Variants in GASK1A observed in about 807,000 individuals in gnomAD.
The protein encoded by GASK1A is Golgi-associated kinase 1A.
GASK1A carries 40 observed loss-of-function variants against 41.2 expected under a neutral mutation model. The observed-to-expected ratio is 0.97, with a 90% CI of 0.75 to 1.27. The LOEUF (loss-of-function observed/expected upper bound fraction) is 1.27. Ranked by LOEUF, GASK1A falls within the 50% of genes most tolerant of loss-of-function variation. The probability of loss-of-function intolerance (pLI) is 0.00; values close to 1 mark genes in which losing one functional copy is unlikely to be tolerated. For synonymous variants in GASK1A, 316 were observed against 307.1 expected (o/e 1.03, Z -0.30); for missense variants, 678 against 745.1 (o/e 0.91, Z 1.05).
chr3:42,983,764 CA>C (rs1393114956), intron 1 of GASK1A, among the ~76,000 whole-genome samples: 1 of 152,222 alleles, frequency 6.6e-6, no homozygotes, highest in African/African-American at 2.4e-5. Flanking sequence ...CCCTTACTTG[CA>C]GCTCCTGCTG....
chr3:42,995,113 G>A (rs2089362718), intron 1 of GASK1A, among the ~76,000 whole-genome samples: 1 of 152,202 alleles, frequency 6.6e-6, no homozygotes, highest in Non-Finnish European at 1.5e-5. Flanking sequence ...AAGTGCAGAT[G>A]GAGGCCAGGC....
intron 4 of GASK1A, 135 bp from the exon 5 acceptor site, chr3:43,056,041 G>A (rs1235217352): frequency 5.9e-6 from 4 of 680,716 alleles, no homozygotes; most frequent in African/African-American, 5.4e-5. Context: ...CAGGTCTGGG[G>A]AGTTTGCCAG....
At chr3:43,051,200 G>A (rs994005538) in intron 2 of GASK1A, among the ~76,000 whole-genome samples, 2 of 151,948 alleles carry the variant, frequency 1.3e-5, no homozygotes, top group Non-Finnish European at 2.9e-5. Flanking sequence ...TGTTTGTAGT[G>A]GTTTTCTTTA....
Position 43,033,524 on chromosome 3 carries a change from C to T in GASK1A, c.1261C>T (p.Arg421Cys), listed in dbSNP as rs781593067. The change falls in exon 2 of 5, where the codon CGC becomes TGC. Residue 421 changes from arginine to cysteine, a missense_variant. By Grantham distance (180) the Arg-to-Cys change is radical. Coordinates refer to ENST00000430121, the MANE Select transcript of GASK1A (RefSeq NM_001129908.3). ...GGGCATCCACCATACCGAGTGGGCA[C>T]GCCTGGCGCTCTTCGACTTCCTGTT... ...CPGIHHTEWA[R>C]LALFDFLLQV... The T allele has an allele frequency of 3.1e-5, 47 of 1,539,784 alleles. No individual in the cohort carries two copies. The highest frequency in any genetic ancestry group is 3.4e-4 in the Middle Eastern group (2 of 5,840).
intron 2 of GASK1A, among the ~76,000 whole-genome samples, chr3:43,049,353 A>T (rs951755091): frequency 1.3e-5 from 2 of 152,256 alleles, no homozygotes; most frequent in East Asian, 1.9e-4. Flanking sequence ...GTAGAATCTT[A>T]GTAATGGGTA....
At chr3:42,979,800 T>C (rs558590202) in intron 1 of GASK1A, among the ~76,000 whole-genome samples, 155 bp downstream of exon 1, 2 of 152,236 alleles carry the variant, frequency 1.3e-5, no homozygotes, top group South Asian at 2.1e-4. Context: ...CGGCGGCGGC[T>C]TTCATTTCTG....
chr3:43,029,676 A>T (rs1011194366), intron 1 of GASK1A, among the ~76,000 whole-genome samples: 1 of 152,176 alleles, frequency 6.6e-6, no homozygotes, highest in Non-Finnish European at 1.5e-5. Flanking sequence ...TAAGAGGGAG[A>T]TGCTGGCCTC....
intron 1 of GASK1A, among the ~76,000 whole-genome samples, chr3:43,020,985 A>G (rs948128952): frequency 6.6e-6 from 1 of 152,190 alleles, no homozygotes; most frequent in Non-Finnish European, 1.5e-5. Flanking sequence ...TAAACAAATA[A>G]TGCTATTAAG....
Position 43,056,987 on chromosome 3 carries a change from G to A in GASK1A, c.*601G>A, listed in dbSNP as rs1007456372. On this transcript the variant is annotated 3_prime_UTR_variant, in exon 5 of 5. Transcript: ENST00000430121. The stretch of plus-strand genomic sequence containing the variant: ...AAAAAATAGAAGCATATGACAAAAA[G>A]CATAAGTCCCACAAACTCCCTAGCG... 7.9e-5 allele frequency: 12 copies of A among 152,116 alleles called. No individual in the cohort carries two copies. Among genetic ancestry groups the A allele is most frequent in the African/African-American group, 2.7e-4 (11 of 41,404 alleles). 9.4% of individuals were successfully genotyped at this position (152,116 alleles called of 1,614,324 possible).
chr3:43,006,472 A>T (rs887745529), intron 1 of GASK1A, among the ~76,000 whole-genome samples: 5 of 152,212 alleles, frequency 3.3e-5, no homozygotes, highest in Non-Finnish European at 7.3e-5. Context: ...TTGAGTATAG[A>T]ATTAAAAGAA....
chr3:43,024,102 G>A (rs545613992), intron 1 of GASK1A, among the ~76,000 whole-genome samples: 2 of 152,074 alleles, frequency 1.3e-5, no homozygotes, highest in Non-Finnish European at 2.9e-5. Context: ...TGTGGACTTA[G>A]GGAAGGACTG....
intron 2 of GASK1A, among the ~76,000 whole-genome samples, chr3:43,034,837 C>G (rs1190760211): frequency 6.6e-6 from 1 of 152,204 alleles, no homozygotes; most frequent in Non-Finnish European, 1.5e-5. Context: ...TCTGCTGCCC[C>G]CTTTGGAGGT....
At chr3:43,031,608 G>C (rs1332631097) in intron 1 of GASK1A, among the ~76,000 whole-genome samples, 1 of 152,224 alleles carries the variant, frequency 6.6e-6, no homozygotes. Flanking sequence ...TGCCCCTAGG[G>C]TGTGTCCTTG....
intron 1 of GASK1A, among the ~76,000 whole-genome samples, chr3:42,999,714 C>T (rs1362488254): frequency 6.6e-6 from 1 of 152,224 alleles, no homozygotes; most frequent in Non-Finnish European, 1.5e-5. Context: ...CTCAAAACAA[C>T]ACAAATTTGT....
At position 43,030,965 on chromosome 3, in the gene GASK1A, C is replaced by T. The variant is rs559416416; in HGVS notation, c.4-1302C>T. On this transcript the variant is annotated intron_variant, in intron 1 of 4. Coordinates refer to ENST00000430121, the MANE Select transcript of GASK1A (RefSeq NM_001129908.3). ...AGCTTCTCAGAAGAGCAAGCACATG[C>T]GGGGAAAAAAGTGGGATCTGGTTTG... Among the ~76,000 whole-genome samples the T allele has an allele frequency of 3.4e-4, 52 of 152,154 alleles. No homozygotes were observed. In the South Asian group the frequency reaches 5.2e-3, roughly 15 times the overall value.
rs199919236 is a variant in GASK1A at position 42,981,147 on chromosome 3, CCTGGCT to C, written c.3+1507_3+1512del. ...CATTGCAGCTTCCCGGTTTCACGTCCCTGGCTCTGGGTTCTGGTATTGTGTTAGGAA... is the reference window on the plus strand; with the variant it reads ...CATTGCAGCTTCCCGGTTTCACGTCCCTGGGTTCTGGTATTGTGTTAGGAA... On this transcript the variant is annotated intron_variant, in intron 1 of 4. Coordinates refer to ENST00000430121, the MANE Select transcript of GASK1A (RefSeq NM_001129908.3). 4.1e-3 allele frequency among the ~76,000 whole-genome samples: 624 copies of C among 152,300 alleles called. 3 individuals are homozygous for C. The highest frequency in any genetic ancestry group is 0.017 in the Middle Eastern group (5 of 294).
At chr3:43,044,504 A>G (rs747572977) in intron 2 of GASK1A, among the ~76,000 whole-genome samples, 1 of 152,140 alleles carries the variant, frequency 6.6e-6, no homozygotes, top group Non-Finnish European at 1.5e-5. Flanking sequence ...TGTGGTCCTC[A>G]ACATGGCCCC....
chr3:43,006,618 C>T (rs1361639466), intron 1 of GASK1A, among the ~76,000 whole-genome samples: 1 of 152,172 alleles, frequency 6.6e-6, no homozygotes, highest in East Asian at 1.9e-4. Flanking sequence ...CCCTTTCTCT[C>T]TGGAAACTTG....
intron 4 of GASK1A, chr3:43,055,753 C>T: frequency 1.8e-6 from 1 of 544,296 alleles, no homozygotes; most frequent in Non-Finnish European, 3.3e-6. Context: ...CTCGTGCCTG[C>T]AGAATACTAG....
Sources: gnomAD v4.1 joint callset for allele counts (sites outside exome capture counted in the v4.1 genomes callset) on GRCh38, gnomAD v4.1.1 for gene constraint, MANE v1.5 for transcripts, NCBI Gene and HGNC (gene_info 2026-07-23, HGNC 2026-07-21) for gene names.